LRRC7: variants seen among roughly 807,000 people sequenced by gnomAD.
The protein encoded by LRRC7 is leucine-rich repeat-containing protein 7.
A neutral mutation model predicts 175.7 loss-of-function variants in LRRC7; 23 were observed. The ratio of observed to expected loss-of-function variants is 0.13; its 90% CI spans 0.09 to 0.19. The LOEUF (loss-of-function observed/expected upper bound fraction) is 0.19. LRRC7 is among the 10% of genes least tolerant of loss of function. The pLI, the probability that LRRC7 is intolerant of heterozygous loss-of-function variation, is 1.00. For missense variants in LRRC7, 1,354 were observed against 1,904.7 expected (o/e 0.71, Z 5.38); for synonymous variants, 685 against 680.9 (o/e 1.01, Z -0.09).
At chr1:69,569,943 G>A (rs1337952263) in intron 1 of LRRC7, among the ~76,000 whole-genome samples, 1 of 149,424 alleles carries the variant, frequency 6.7e-6, no homozygotes, top group Non-Finnish European at 1.5e-5. Flanking sequence ...TGGGGGTGGG[G>A]ATCGGTAAGA....
At chr1:69,577,814 G>A (rs907296181) in intron 1 of LRRC7, among the ~76,000 whole-genome samples, 1 of 152,134 alleles carries the variant, frequency 6.6e-6, no homozygotes, top group Non-Finnish European at 1.5e-5. Flanking sequence ...CAGGTAGCGT[G>A]ATGCCTCCAG....
At chr1:69,995,394 C>CT (rs149423160) in intron 11 of LRRC7, among the ~76,000 whole-genome samples, 1,873 of 148,826 alleles carry the variant, frequency 0.013, 24 homozygotes, top group Non-Finnish European at 0.015. Context: ...CATATAAATT[C>CT]TTTTTTTTTT....
intron 25 of LRRC7, among the ~76,000 whole-genome samples, chr1:70,095,806 T>C (rs1223065857): frequency 6.6e-6 from 1 of 152,134 alleles, no homozygotes; most frequent in Non-Finnish European, 1.5e-5. Flanking sequence ...AACCTAAACA[T>C]TTTTTAATCA....
chr1:69,955,203 A>G (rs893062388), intron 8 of LRRC7, among the ~76,000 whole-genome samples: 3 of 152,062 alleles, frequency 2.0e-5, no homozygotes, highest in Non-Finnish European at 4.4e-5. Context: ...AAGTAAAGTA[A>G]AAACAGAGAT....
intron 11 of LRRC7, among the ~76,000 whole-genome samples, chr1:70,009,109 T>C (rs569975177): frequency 1.3e-5 from 2 of 151,938 alleles, no homozygotes; most frequent in East Asian, 1.9e-4. Flanking sequence ...GTTTTTATTA[T>C]AAAAAAAGAA....
chr1:69,741,081 C>T (rs1478370583), intron 2 of LRRC7, among the ~76,000 whole-genome samples: 1 of 151,938 alleles, frequency 6.6e-6, no homozygotes, highest in Admixed American at 6.6e-5. Flanking sequence ...TGTTGTTCTA[C>T]AGGCTAGTGG....
rs574654135 is a variant in LRRC7 at position 70,091,331 on chromosome 1, A to C, written c.4545+1512A>C. Among the ~76,000 whole-genome samples the C allele has an allele frequency of 2.0e-5, 3 of 152,174 alleles. No individual in the cohort carries two copies. The South Asian group carries it at 6.2e-4, about 32-fold the overall frequency. ...CAGAAGCATGATGACATTTTTTAAA[A>C]CCTCAAATCATTATGTCTTATTTAT... is the stretch of plus-strand genomic sequence containing the variant. On this transcript the variant is annotated intron_variant, in intron 25 of 26. Transcript: ENST00000651989.
chr1:69,568,361 TGCCTCCCCCGCCGGCGCTTCGG>T lies in LRRC7; in HGVS notation c.-276_-255del. The stretch of plus-strand genomic sequence containing the variant: ...TGAGGCTGGGGAGTGGACGCGCTCC[TGCCTCCCCCGCCGGCGCTTCGG>T]GCTTCCCCTCAGCCGCTTCCCGCGG... On this transcript the variant is annotated 5_prime_UTR_variant, in exon 1 of 27. Coordinates refer to ENST00000651989, the MANE Select transcript of LRRC7 (RefSeq NM_001370785.2). The T allele has an allele frequency of 4.7e-6, 1 of 210,846 alleles. No individual in the cohort carries two copies. Among genetic ancestry groups the T allele is most frequent in the Non-Finnish European group, 9.6e-6 (1 of 103,982 alleles). The allele number at this position is 210,846 out of a possible 1,614,324, so 13.1% of individuals were successfully genotyped here. A position where few individuals can be genotyped will look rare whatever the true frequency, so the allele number is the denominator to read the frequency against.
intron 2 of LRRC7, among the ~76,000 whole-genome samples, chr1:69,747,474 A>G (rs183748159): frequency 3.6e-4 from 55 of 152,296 alleles, no homozygotes; most frequent in Middle Eastern, 6.8e-3. Flanking sequence ...GAAGAATTGT[A>G]TACATATTCA....
At chr1:69,607,503 T>C (rs1465078916) in intron 1 of LRRC7, 1 of 152,158 alleles carries the variant, frequency 6.6e-6, no homozygotes, top group Admixed American at 6.6e-5. Flanking sequence ...TGGTTCCTAC[T>C]GTCACTTTTT....
At chr1:69,938,718 C>T (rs1007754272) in intron 8 of LRRC7, among the ~76,000 whole-genome samples, 1 of 151,762 alleles carries the variant, frequency 6.6e-6, no homozygotes, top group African/African-American at 2.4e-5. Flanking sequence ...AAGGTGTGCT[C>T]ATTTTTAATT....
At chr1:69,767,278 A>T (rs887654371) in intron 3 of LRRC7, among the ~76,000 whole-genome samples, 5 of 152,142 alleles carry the variant, frequency 3.3e-5, no homozygotes, top group Non-Finnish European at 5.9e-5. Flanking sequence ...AAAATAGAAT[A>T]TAACACTTTT....
chr1:69,810,945 C>T lies in LRRC7; in HGVS notation c.422-14803C>T, dbSNP rs1017786749. On this transcript the variant is annotated intron_variant, in intron 4 of 26. Transcript: ENST00000651989. ...ACTGGGATCTAATTACACTGAAGAGCGTCTGCACAGCAAAAGAAACTATCA... is the reference window on the plus strand; with the variant it reads ...ACTGGGATCTAATTACACTGAAGAGTGTCTGCACAGCAAAAGAAACTATCA... Among the ~76,000 whole-genome samples the T allele has an allele frequency of 2.0e-5, 3 of 152,112 alleles. No homozygotes were observed. The South Asian group carries it at 6.2e-4, about 32-fold the overall frequency.
At chr1:69,717,810 G>T (rs1280893496) in intron 2 of LRRC7, among the ~76,000 whole-genome samples, 7 of 24,266 alleles carry the variant, frequency 2.9e-4, no homozygotes, top group African/African-American at 1.9e-3. Flanking sequence ...AAGAAAGAAA[G>T]AAAGAAAGAA....
chr1:70,049,026 T>A (rs1660549637), intron 22 of LRRC7, among the ~76,000 whole-genome samples: 1 of 152,146 alleles, frequency 6.6e-6, no homozygotes, highest in Admixed American at 6.6e-5. Flanking sequence ...GTTCATTTTT[T>A]AATTTCTACC....
intron 7 of LRRC7, among the ~76,000 whole-genome samples, chr1:69,931,284 C>A (rs555056880): frequency 9.9e-5 from 15 of 152,258 alleles, no homozygotes; most frequent in Admixed American, 2.0e-4. Context: ...AAGGAGCCAG[C>A]CTTGCATGCC....
At chr1:69,724,505 CAAG>C (rs1666720130) in intron 2 of LRRC7, among the ~76,000 whole-genome samples, 1 of 152,060 alleles carries the variant, frequency 6.6e-6, no homozygotes, top group Non-Finnish European at 1.5e-5. Context: ...ATTTGAGAAT[CAAG>C]AAATATAAAT....
Position 69,763,924 on chromosome 1 carries a change from C to T in LRRC7, c.303+3531C>T, listed in dbSNP as rs149968689. Among the ~76,000 whole-genome samples the T allele has an allele frequency of 1.9e-3, 285 of 151,982 alleles. 5 individuals carry two copies. In the East Asian group the frequency reaches 0.022, roughly 12 times the overall value. On this transcript the variant is annotated intron_variant, in intron 3 of 26. Coordinates refer to ENST00000651989, the MANE Select transcript of LRRC7 (RefSeq NM_001370785.2). ...TACATATGTATCTATTCTTTGCTTT[C>T]TGATATTGTACACAGAGAATATTAT...
At chr1:70,050,077 CACTT>C (rs1378967207) in intron 22 of LRRC7, among the ~76,000 whole-genome samples, 1 of 151,652 alleles carries the variant, frequency 6.6e-6, no homozygotes, top group Non-Finnish European at 1.5e-5. Context: ...TTATTTAACT[CACTT>C]ATGTGACTAC....
Sources: allele counts gnomAD v4.1 joint callset (sites outside exome capture counted in the v4.1 genomes callset), GRCh38; gene constraint gnomAD v4.1.1; transcripts MANE v1.5; gene names NCBI Gene and HGNC (gene_info 2026-07-23, HGNC 2026-07-21).